WWP2: variants seen among roughly 807,000 people sequenced by gnomAD.
WWP2 encodes the protein WW domain containing E3 ubiquitin protein ligase 2, also known as NEDD4-like E3 ubiquitin-protein ligase WWP2.
In WWP2, 57 loss-of-function variants were observed where a neutral mutation model predicts 121.0. That is an observed-to-expected ratio of 0.47 (90% confidence interval 0.38 to 0.59). WWP2 has a LOEUF of 0.59. Among genes scored for constraint, WWP2 ranks in the 20% least tolerant of loss-of-function variants. WWP2 has a pLI of 0.00. For missense variants in WWP2, 962 were observed against 1,158.9 expected (o/e 0.83, Z 2.47); for synonymous variants, 449 against 441.3 (o/e 1.02, Z -0.22).
intron 4 of WWP2, among the ~76,000 whole-genome samples, chr16:69,810,740 T>C (rs2056375677): frequency 6.6e-6 from 1 of 150,610 alleles, no homozygotes. Context: ...TTAACATCTT[T>C]TTACTAGAGG....
intron 4 of WWP2, among the ~76,000 whole-genome samples, chr16:69,823,930 C>G (rs2056637587): frequency 6.6e-6 from 1 of 152,194 alleles, no homozygotes; most frequent in Non-Finnish European, 1.5e-5. Flanking sequence ...AGGGCCTGTG[C>G]TGTTTCTCAT....
rs527829805 is a variant in WWP2 at position 69,940,925 on chromosome 16, T to C, written c.*985T>C. 1 of 153,808 alleles carries C rather than the reference T, an allele frequency of 6.5e-6. No homozygotes were observed. Among genetic ancestry groups the C allele is most frequent in the Admixed American group, 6.5e-5 (1 of 15,304 alleles). 9.5% of individuals were successfully genotyped at this position (153,808 alleles called of 1,614,324 possible). ...TTCAATAGAGAAGAAATCCCTTTGC[T>C]AGATAGGGTCCCCCAGGCAGTCCCC... On this transcript the variant is annotated 3_prime_UTR_variant, in exon 24 of 24. Coordinates refer to ENST00000359154, the MANE Select transcript of WWP2 (RefSeq NM_001270454.2).
chr16:69,807,975 A>G (rs1177310857), intron 4 of WWP2, among the ~76,000 whole-genome samples: 1 of 152,162 alleles, frequency 6.6e-6, no homozygotes, highest in Admixed American at 6.6e-5. Context: ...AACAAAACAA[A>G]AAACATTCTT....
At position 69,778,498 on chromosome 16, in the gene WWP2, T is replaced by A. The variant is rs376128021; in HGVS notation, c.-15-8498T>A. Among the ~76,000 whole-genome samples the A allele has an allele frequency of 2.6e-4, 39 of 152,094 alleles. No homozygotes were observed. In the South Asian group the frequency reaches 5.6e-3, roughly 22 times the overall value. On this transcript the variant is annotated intron_variant, in intron 1 of 23. Transcript: ENST00000359154. The stretch of plus-strand genomic sequence containing the variant: ...CGTGTTGCTGAGACAGAGTGTGAAG[T>A]CTGGGCCTCAGGTTTCCTAAGCTTC...
Position 69,939,035 on chromosome 16 carries a change from G to A in WWP2, c.2352G>A (p.Lys784=). The change falls in exon 22 of 24, where the codon AAG becomes AAA. Residue 784 remains lysine (K), a synonymous_variant. Transcript: ENST00000359154. The stretch of plus-strand genomic sequence containing the variant: ...GACTTGCGGACTTCCAGGTGGTGAA[G>A]GAGATGGACAACGAGAAGAGGATCC... ...KQIQWFWQVV[K]EMDNEKRIRL... 6.2e-7 allele frequency: 1 copy of A among 1,603,250 alleles called. No homozygotes were observed. Among genetic ancestry groups the A allele is most frequent in the Non-Finnish European group, 8.5e-7 (1 of 1,174,356 alleles).
chr16:69,910,751 A>G (rs1239627782), intron 9 of WWP2, among the ~76,000 whole-genome samples: 7 of 152,148 alleles, frequency 4.6e-5, no homozygotes, highest in Admixed American at 4.6e-4. Flanking sequence ...GGAGGGACGT[A>G]GGCCTTGACC....
At chr16:69,902,535 G>A (rs2058220998) in intron 8 of WWP2, among the ~76,000 whole-genome samples, 1 of 152,164 alleles carries the variant, frequency 6.6e-6, no homozygotes, top group African/African-American at 2.4e-5. Flanking sequence ...AAACAAGCTT[G>A]GTGCTTTGAA....
chr16:69,918,849 T>C lies in WWP2; in HGVS notation c.1179+966T>C, dbSNP rs555058357. On this transcript the variant is annotated intron_variant, in intron 10 of 23. Transcript: ENST00000359154. ...ATTTTCTTTTTCCTTTTCTTTCTTT[T>C]TTTTTTTTTTTTGAGATGGAGTCTT... 1.8e-3 allele frequency among the ~76,000 whole-genome samples: 265 copies of C among 150,830 alleles called. 2 individuals are homozygous for C. Among genetic ancestry groups the C allele is most frequent in the Middle Eastern group, 0.014 (4 of 294 alleles).
In WWP2 at chr16:69,908,820, C is replaced by G; in HGVS notation, c.974C>G (p.Thr325Ser). 2 of 1,614,198 alleles carry G rather than the reference C, an allele frequency of 1.2e-6. No homozygotes were observed. Among genetic ancestry groups the G allele is most frequent in the Non-Finnish European group, 1.7e-6 (2 of 1,180,038 alleles). Residue 325 changes from threonine to serine, a missense_variant, in exon 9 of 24, where the codon ACC becomes AGC. Coordinates refer to ENST00000359154, the MANE Select transcript of WWP2 (RefSeq NM_001270454.2). The stretch of plus-strand genomic sequence containing the variant: ...TATTATGTTGACCACAATACCAAGA[C>G]CACCACCTGGGAGCGGCCCCTTCCT... Reference protein sequence around the residue: ...RVYYVDHNTKTTTWERPLPPG... With the variant: ...RVYYVDHNTKSTTWERPLPPG...
At position 69,876,440 on chromosome 16, in the gene WWP2, C is replaced by G. The variant is rs552161300; in HGVS notation, c.703+4509C>G. 2.6e-5 allele frequency among the ~76,000 whole-genome samples: 4 copies of G among 151,664 alleles called. No individual in the cohort carries two copies. In the East Asian group the frequency reaches 7.8e-4, roughly 29 times the overall value. ...AATGCCGTGGCATGATCTTGGCTCA[C>G]TATAACCTACACCTCCCGGGTTCAA... On this transcript the variant is annotated intron_variant, in intron 7 of 23. Coordinates refer to ENST00000359154, the MANE Select transcript of WWP2 (RefSeq NM_001270454.2).
At chr16:69,838,058 TA>T (rs901983226) in intron 4 of WWP2, among the ~76,000 whole-genome samples, 2 of 147,620 alleles carry the variant, frequency 1.4e-5, no homozygotes, top group South Asian at 2.1e-4. Flanking sequence ...CATGTCTCTA[TA>T]AAAAAAAAAT....
intron 3 of WWP2, 52 bp downstream of exon 3, chr16:69,798,881 G>T (rs1597686206): frequency 6.2e-7 from 1 of 1,600,310 alleles, no homozygotes; most frequent in Non-Finnish European, 8.5e-7. Context: ...AAAGAGAGAG[G>T]GTGCTCCGAG....
Position 69,925,487 on chromosome 16 carries a change from A to G in WWP2, c.1234+3A>G. 1 of 1,613,990 alleles carries G rather than the reference A, an allele frequency of 6.2e-7. No homozygotes were observed. On this transcript the variant is annotated splice_donor_region_variant and intron_variant, in intron 11 of 23. Coordinates refer to ENST00000359154, the MANE Select transcript of WWP2 (RefSeq NM_001270454.2). This position sits in a 1 kb window ranked among gnomAD's most constrained non-coding sequence, Gnocchi z 4.0. ...GGGCCCCCTCCCTCCTGGCTGGGGT[A>G]AGTACTGAGTTCTCTTCCTGGCCCT...
At chr16:69,834,605 C>A (rs577389073) in intron 4 of WWP2, among the ~76,000 whole-genome samples, 14 of 150,900 alleles carry the variant, frequency 9.3e-5, no homozygotes, top group Middle Eastern at 6.9e-3. Flanking sequence ...CGGCTCACTG[C>A]AACTTCTGTT....
chr16:69,911,444 C>A, intron 9 of WWP2, among the ~76,000 whole-genome samples: 1 of 152,096 alleles, frequency 6.6e-6, no homozygotes, highest in Non-Finnish European at 1.5e-5. Context: ...GAGGTGGCTG[C>A]CTGCATATGG....
intron 2 of WWP2, among the ~76,000 whole-genome samples, chr16:69,795,734 G>A (rs2056025402): frequency 8.4e-6 from 1 of 119,560 alleles, no homozygotes; most frequent in South Asian, 2.9e-4. Context: ...TGTAGCCTCC[G>A]CCTCCTGGGT....
chr16:69,828,118 T>C, intron 4 of WWP2: 2 of 354,054 alleles, frequency 5.6e-6, no homozygotes, highest in Non-Finnish European at 1.1e-5. Flanking sequence ...GGGCCTTGCC[T>C]ATAGAGCACT....
chr16:69,930,590 A>G (rs1272286032), intron 13 of WWP2, among the ~76,000 whole-genome samples: 1 of 152,130 alleles, frequency 6.6e-6, no homozygotes, highest in Non-Finnish European at 1.5e-5. Flanking sequence ...TCCCAGCTAC[A>G]TAGGAGGCTG....
chr16:69,877,513 G>GAA (rs2057754631), intron 7 of WWP2, among the ~76,000 whole-genome samples: 3 of 152,286 alleles, frequency 2.0e-5, no homozygotes, highest in African/African-American at 7.2e-5. Context: ...TATCACTCAA[G>GAA]TGTTCATCAG....
Sources: gnomAD v4.1 joint callset for allele counts (sites outside exome capture counted in the v4.1 genomes callset) on GRCh38, gnomAD v4.1.1 for gene constraint, Gnocchi (gnomAD v3.1) non-coding constraint, MANE v1.5 for transcripts, NCBI Gene and HGNC (gene_info 2026-07-23, HGNC 2026-07-21) for gene names.